Variants in TNKS observed in about 807,000 individuals in gnomAD.
The protein encoded by TNKS is poly [ADP-ribose] polymerase tankyrase-1.
TNKS carries 72 observed loss-of-function variants against 135.8 expected under a neutral mutation model. That is an observed-to-expected ratio of 0.53 (90% confidence interval 0.44 to 0.64). TNKS has a LOEUF of 0.64. Among genes scored for constraint, TNKS ranks in the 30% least tolerant of loss-of-function variants. The pLI, the probability that TNKS is intolerant of heterozygous loss-of-function variation, is 0.00. For missense variants in TNKS, 1,769 were observed against 1,674.0 expected (o/e 1.06, Z -0.99); for synonymous variants, 849 against 649.3 (o/e 1.31, Z -4.68).
At position 9,765,673 on chromosome 8, in the gene TNKS, T is replaced by C. The variant is rs902216836; in HGVS notation, c.3448-19T>C. 1 of 1,597,444 alleles carries C rather than the reference T, an allele frequency of 6.3e-7. No homozygotes were observed. Among genetic ancestry groups the C allele is most frequent in the Non-Finnish European group, 8.6e-7 (1 of 1,166,040 alleles). ...TGCACGTTTCACCGATAATGTTTCT[T>C]TCTTCTTCATCCTTAAAGATTCAAA... On this transcript the variant is annotated intron_variant, in intron 23 of 26. Transcript: ENST00000310430.
At chr8:9,758,364 T>C (rs916535210) in intron 20 of TNKS, among the ~76,000 whole-genome samples, 2 of 149,338 alleles carry the variant, frequency 1.3e-5, no homozygotes, top group Non-Finnish European at 3.0e-5. Context: ...TTTCATCTCT[T>C]CTATCCTTCA....
At chr8:9,750,647 C>T (rs1023345462) in intron 18 of TNKS, among the ~76,000 whole-genome samples, 1 of 152,168 alleles carries the variant, frequency 6.6e-6, no homozygotes, top group Admixed American at 6.5e-5. Flanking sequence ...CAACCAAAGC[C>T]ACATGTCCAC....
At chr8:9,712,105 T>C (rs1455931794) in intron 11 of TNKS, among the ~76,000 whole-genome samples, 1 of 152,270 alleles carries the variant, frequency 6.6e-6, no homozygotes, top group Non-Finnish European at 1.5e-5. Flanking sequence ...TAGTTAACAA[T>C]GCATTTATTT....
intron 19 of TNKS, 29 bp from the exon 20 acceptor site, chr8:9,752,515 T>G: frequency 6.5e-7 from 1 of 1,539,214 alleles, no homozygotes; most frequent in Non-Finnish European, 8.9e-7. Flanking sequence ...GAATTCTTTC[T>G]GAGAATCTTT....
At position 9,593,465 on chromosome 8, in the gene TNKS, C is replaced by T. The variant is rs538069162; in HGVS notation, c.898+13082C>T. 5.3e-5 allele frequency among the ~76,000 whole-genome samples: 8 copies of T among 152,260 alleles called. No individual in the cohort carries two copies. In the South Asian group the frequency reaches 1.5e-3, roughly 28 times the overall value. ...AGGTTAATTTCATTCTGTAAGTCTG[C>T]CAAATTAATTCTTTTAAATTATTTT... On this transcript the variant is annotated intron_variant, in intron 2 of 26. Coordinates refer to ENST00000310430, the MANE Select transcript of TNKS (RefSeq NM_003747.3).
chr8:9,707,619 G>A (rs933509906), intron 8 of TNKS, among the ~76,000 whole-genome samples: 5 of 152,110 alleles, frequency 3.3e-5, no homozygotes, highest in African/African-American at 1.2e-4. Flanking sequence ...ATATATACAT[G>A]CAAATGTTTT....
intron 3 of TNKS, among the ~76,000 whole-genome samples, chr8:9,643,807 T>C (rs1259938461): frequency 6.6e-6 from 1 of 152,128 alleles, no homozygotes; most frequent in Non-Finnish European, 1.5e-5. Flanking sequence ...GGGCTTGAAG[T>C]GATATTTGTA....
At chr8:9,730,749 G>C in intron 13 of TNKS, 141 bp from the exon 14 acceptor site, 1 of 954,840 alleles carries the variant, frequency 1.0e-6, no homozygotes, top group East Asian at 2.7e-5. Context: ...CTAAACATTT[G>C]TATTGTCTAA....
chr8:9,619,712 G>A (rs77819619), intron 3 of TNKS, among the ~76,000 whole-genome samples: 12,557 of 151,956 alleles, frequency 0.083, 547 homozygotes, highest in South Asian at 0.17. Context: ...TCAGGCCACC[G>A]GCAATATTGA....
In TNKS at chr8:9,661,224, AAAC is replaced by A. The variant is rs927903827; in HGVS notation, c.995-18723_995-18721del. ...CCAATGACTTTCTTCACAGAATTGG[AAAC>A]AACTACTTTAAAGTTCATATGGAAT... is the stretch of plus-strand genomic sequence containing the variant. On this transcript the variant is annotated intron_variant, in intron 3 of 26. Coordinates refer to ENST00000310430, the MANE Select transcript of TNKS (RefSeq NM_003747.3). Among the ~76,000 whole-genome samples the A allele has an allele frequency of 7.9e-5, 12 of 152,206 alleles. No individual in the cohort carries two copies. In the South Asian group the frequency reaches 8.3e-4, roughly 11 times the overall value.
At chr8:9,728,563 G>A (rs1451709660) in intron 13 of TNKS, among the ~76,000 whole-genome samples, 1 of 152,140 alleles carries the variant, frequency 6.6e-6, no homozygotes, top group Non-Finnish European at 1.5e-5. Context: ...AAGAACCAGT[G>A]GGGGAAAGCA....
Position 9,748,182 on chromosome 8 carries a change from G to T in TNKS, c.2802G>T (p.Gln934His). 1 of 1,586,726 alleles carries T rather than the reference G, an allele frequency of 6.3e-7. No homozygotes were observed. The highest frequency in any genetic ancestry group is 2.3e-5 in the East Asian group (1 of 43,898). Residue 934 changes from glutamine to histidine, a missense_variant, in exon 18 of 27, where the codon CAG becomes CAT. By Grantham distance (24) the Gln-to-His change is conservative (BLOSUM62 0). This residue lies in a region of TNKS where 722 missense variants were observed against 688.9 expected (regional missense o/e 1.05). Coordinates refer to ENST00000310430, the MANE Select transcript of TNKS (RefSeq NM_003747.3). ...AHGADPTMKNQEGQTPLDLAT... is the reference protein window; with the variant it reads ...AHGADPTMKNHEGQTPLDLAT... Reference sequence around the variant, plus strand: ...GTGCAGACCCCACCATGAAGAACCAGGAAGGCCAGACGCCTCTGGATCTGG... The same window carrying T: ...GTGCAGACCCCACCATGAAGAACCATGAAGGCCAGACGCCTCTGGATCTGG...
rs1348033282 is a variant in TNKS, at chr8:9,679,991, A to G, written c.1031+4A>G. 5 of 1,608,958 alleles carry G rather than the reference A, an allele frequency of 3.1e-6. No individual in the cohort carries two copies. Among genetic ancestry groups the G allele is most frequent in the Non-Finnish European group, 4.3e-6 (5 of 1,175,322 alleles). ...ACGAACTCCTAGAAGCTGCTAGGTAAGTGATTCCATTCATTTTAAGTGTAT... is the reference window on the plus strand; with the variant it reads ...ACGAACTCCTAGAAGCTGCTAGGTAGGTGATTCCATTCATTTTAAGTGTAT... On this transcript the variant is annotated splice_donor_region_variant and intron_variant, in intron 4 of 26. Coordinates refer to ENST00000310430, the MANE Select transcript of TNKS (RefSeq NM_003747.3).
chr8:9,641,811 C>T (rs1276266485), intron 3 of TNKS, among the ~76,000 whole-genome samples: 1 of 145,866 alleles, frequency 6.9e-6, no homozygotes, highest in Admixed American at 7.2e-5. Flanking sequence ...GTTTCATCAT[C>T]TGCCCTACAA....
chr8:9,691,861 C>G (rs1803290336), intron 5 of TNKS, among the ~76,000 whole-genome samples: 1 of 152,078 alleles, frequency 6.6e-6, no homozygotes, highest in African/African-American at 2.4e-5. Context: ...TGGACACTGG[C>G]TTAGACTCAG....
intron 11 of TNKS, among the ~76,000 whole-genome samples, chr8:9,716,300 AT>A: frequency 6.6e-6 from 1 of 152,236 alleles, no homozygotes. Flanking sequence ...TGATAAGTAG[AT>A]TGTTAGCGCA....
At chr8:9,597,822 A>C (rs1286076866) in intron 2 of TNKS, among the ~76,000 whole-genome samples, 1 of 152,226 alleles carries the variant, frequency 6.6e-6, no homozygotes, top group African/African-American at 2.4e-5. Flanking sequence ...GTTAAAAGAA[A>C]AAGGTGGTCT....
intron 1 of TNKS, chr8:9,556,919 G>T (rs1214752430): frequency 5.7e-6 from 3 of 527,032 alleles, no homozygotes; most frequent in African/African-American, 3.8e-5. Context: ...CAGGAATACA[G>T]TTAGATTTGG....
rs183345545 is a variant in TNKS, at chr8:9,725,945, C to T, written c.1922-696C>T. On this transcript the variant is annotated intron_variant, in intron 12 of 26. Transcript: ENST00000310430. The stretch of plus-strand genomic sequence containing the variant: ...TATTCTGTTTCGCATTGCTATCATA[C>T]CTCCAATTATACAAACATTGAAAGT... Among the ~76,000 whole-genome samples, 7 of 152,302 alleles carry T rather than the reference C, an allele frequency of 4.6e-5. No homozygotes were observed. In the East Asian group the frequency reaches 1.3e-3, roughly 29 times the overall value.
Sources: allele counts gnomAD v4.1 joint callset (sites outside exome capture counted in the v4.1 genomes callset), GRCh38; gene constraint gnomAD v4.1.1; regional missense constraint gnomAD v4.1.1; transcripts MANE v1.5; gene names NCBI Gene and HGNC (gene_info 2026-07-23, HGNC 2026-07-21).